The following TRPM3 variants were observed in gnomAD, a reference collection of about 807,000 sequenced individuals.
TRPM3 encodes the protein transient receptor potential cation channel subfamily M member 3.
In TRPM3, 77 loss-of-function variants were observed where a neutral mutation model predicts 181.2. That is an observed-to-expected ratio of 0.42 (90% confidence interval 0.35 to 0.51). TRPM3 has a LOEUF of 0.51. Ranked by LOEUF, TRPM3 falls within the 20% of genes least tolerant of loss-of-function variation. The probability of loss-of-function intolerance (pLI) is 0.01; values close to 1 mark genes in which losing one functional copy is unlikely to be tolerated. For missense variants in TRPM3, 1,759 were observed against 2,196.7 expected, an observed-to-expected ratio of 0.80 and a Z score of 3.98; for synonymous variants, 745 against 796.4, an observed-to-expected ratio of 0.94 and a Z score of 1.09.
chr9:70,855,036 A>G (rs2095351017), intron 3 of TRPM3, among the ~76,000 whole-genome samples: 1 of 152,172 alleles, frequency 6.6e-6, no homozygotes, highest in African/African-American at 2.4e-5. Context: ...AAAACTCTCA[A>G]GTTTTTGCTC....
intron 6 of TRPM3, among the ~76,000 whole-genome samples, chr9:70,794,236 T>A (rs1469263867): frequency 6.6e-6 from 1 of 152,154 alleles, no homozygotes; most frequent in Non-Finnish European, 1.5e-5. Flanking sequence ...TATGGGAAGC[T>A]ACTCTCCATC....
At chr9:71,150,249 A>G (rs1183946996) in intron 1 of TRPM3, among the ~76,000 whole-genome samples, 2 of 152,154 alleles carry the variant, frequency 1.3e-5, no homozygotes, top group African/African-American at 4.8e-5. Context: ...AAATAACCTC[A>G]AAACAGAAAA....
intron 9 of TRPM3, among the ~76,000 whole-genome samples, chr9:70,676,430 G>A (rs769504415): frequency 3.9e-5 from 6 of 152,154 alleles, no homozygotes; most frequent in Non-Finnish European, 7.3e-5. Context: ...TATTTTCTGC[G>A]GTTTTGGAGC....
chr9:71,316,121 TG>T (rs2088562092), intron 1 of TRPM3, among the ~76,000 whole-genome samples: 1 of 152,214 alleles, frequency 6.6e-6, no homozygotes, highest in African/African-American at 2.4e-5. Context: ...GGCCTAATAG[TG>T]TCATTAGTTT....
chr9:70,859,297 C>A (rs1465427443), intron 3 of TRPM3, among the ~76,000 whole-genome samples: 8 of 152,150 alleles, frequency 5.3e-5, no homozygotes, highest in Admixed American at 5.2e-4. Context: ...GCTGTCGAAG[C>A]CAGTGTCTAT....
intron 1 of TRPM3, chr9:70,869,133 C>T (rs1589413746): frequency 1.2e-6 from 1 of 850,882 alleles, no homozygotes; most frequent in Non-Finnish European, 1.4e-6. Flanking sequence ...CGGCTCTTCC[C>T]CCAAGAGACG....
intron 5 of TRPM3, among the ~76,000 whole-genome samples, chr9:70,838,791 A>T (rs2094470617): frequency 6.6e-6 from 1 of 152,180 alleles, no homozygotes; most frequent in African/African-American, 2.4e-5. Flanking sequence ...AATGATTACC[A>T]TCTCAGTATT....
At chr9:70,758,518 G>A (rs1198697380) in intron 8 of TRPM3, among the ~76,000 whole-genome samples, 1 of 152,086 alleles carries the variant, frequency 6.6e-6, no homozygotes, top group Non-Finnish European at 1.5e-5. Flanking sequence ...AGCCCACATA[G>A]CCAAGACAAT....
intron 5 of TRPM3, among the ~76,000 whole-genome samples, chr9:70,841,624 CTATATATATATATATATATATATATA>C (rs72421594): frequency 1.4e-5 from 1 of 72,916 alleles, no homozygotes; most frequent in Non-Finnish European, 2.7e-5. Flanking sequence ...CTATATCCCA[CTATATATATATATATATATATATATA>C]TATATATATA....
chr9:71,165,460 A>T (rs1024201476), intron 1 of TRPM3, among the ~76,000 whole-genome samples: 1 of 152,248 alleles, frequency 6.6e-6, no homozygotes, highest in East Asian at 1.9e-4. Context: ...TCACACATGC[A>T]CACACACACT....
At chr9:70,621,024 T>G (rs916738613) in intron 15 of TRPM3, among the ~76,000 whole-genome samples, 5 of 145,610 alleles carry the variant, frequency 3.4e-5, no homozygotes, top group African/African-American at 1.3e-4. Context: ...ATATATATTA[T>G]TATATATATA....
chr9:70,855,384 G>A (rs905196525), intron 3 of TRPM3, among the ~76,000 whole-genome samples: 2 of 152,160 alleles, frequency 1.3e-5, no homozygotes, highest in African/African-American at 4.8e-5. Flanking sequence ...AAATTCATCA[G>A]TCACCTCTTT....
At chr9:70,737,636 A>G (rs1336092708) in intron 8 of TRPM3, among the ~76,000 whole-genome samples, 1 of 135,114 alleles carries the variant, frequency 7.4e-6, no homozygotes, top group Admixed American at 7.7e-5. Context: ...CTCACCTAAC[A>G]CATAAGGACT....
intron 6 of TRPM3, among the ~76,000 whole-genome samples, chr9:70,801,879 T>C (rs1305443767): frequency 6.6e-6 from 1 of 152,136 alleles, no homozygotes; most frequent in East Asian, 1.9e-4. Flanking sequence ...CAAAAACTAA[T>C]TCGTTCACTG....
At chr9:70,690,271 C>G (rs377201690) in intron 8 of TRPM3, among the ~76,000 whole-genome samples, 1 of 152,134 alleles carries the variant, frequency 6.6e-6, no homozygotes, top group Admixed American at 6.5e-5. Context: ...GAAATATTCT[C>G]ATAGCTATAC....
chr9:71,279,449 T>C (rs1401543367), intron 1 of TRPM3, among the ~76,000 whole-genome samples: 1 of 152,158 alleles, frequency 6.6e-6, no homozygotes, highest in Non-Finnish European at 1.5e-5. Flanking sequence ...GAAACTGAAA[T>C]CTAGACTTAA....
At chr9:71,060,005 G>A (rs753164344) in intron 1 of TRPM3, among the ~76,000 whole-genome samples, 6 of 152,084 alleles carry the variant, frequency 3.9e-5, no homozygotes, top group Non-Finnish European at 8.8e-5. Flanking sequence ...AGAAGTCTGG[G>A]TTTGACCTGA....
intron 1 of TRPM3, among the ~76,000 whole-genome samples, chr9:71,179,689 G>C (rs1364721602): frequency 6.6e-6 from 1 of 152,146 alleles, no homozygotes; most frequent in African/African-American, 2.4e-5. Context: ...AGAGACTTCT[G>C]TGATTTGTAG....
intron 1 of TRPM3, among the ~76,000 whole-genome samples, chr9:71,200,004 A>T (rs971834119): frequency 3.9e-5 from 6 of 152,106 alleles, no homozygotes; most frequent in Non-Finnish European, 8.8e-5. Context: ...TCTATTGTGC[A>T]CATTTAGTGC....
Sources: allele counts gnomAD v4.1 joint callset (sites outside exome capture counted in the v4.1 genomes callset), GRCh38; gene constraint gnomAD v4.1.1; transcripts MANE v1.5; gene names NCBI Gene and HGNC (gene_info 2026-07-23, HGNC 2026-07-21).